The following RUNX2 variants were observed in gnomAD, a reference collection of about 807,000 sequenced individuals.
RUNX2 encodes the protein runt-related transcription factor 2.
Under a neutral mutation model 51.7 loss-of-function variants are expected in RUNX2, and 10 were observed. The observed-to-expected ratio is 0.19, with a 90% CI of 0.12 to 0.33. The LOEUF is 0.33. RUNX2 is among the 10% of genes least tolerant of loss of function. The pLI is 1.00. For synonymous variants in RUNX2, 276 were observed against 273.6 expected, an observed-to-expected ratio of 1.01 and a Z score of -0.09; for missense variants, 562 against 691.3, an observed-to-expected ratio of 0.81 and a Z score of 2.10.
At chr6:45,466,591 C>T (rs1445410932) in intron 5 of RUNX2, among the ~76,000 whole-genome samples, 1 of 152,214 alleles carries the variant, frequency 6.6e-6, no homozygotes, top group Non-Finnish European at 1.5e-5. Context: ...ATGGCATTGA[C>T]ATCTCTTCAC....
intron 2 of RUNX2, among the ~76,000 whole-genome samples, chr6:45,393,018 A>T (rs1360080150): frequency 6.6e-6 from 1 of 151,838 alleles, no homozygotes; most frequent in Non-Finnish European, 1.5e-5. Flanking sequence ...TTTCTGTTAC[A>T]GTGTTTTTGA....
intron 5 of RUNX2, among the ~76,000 whole-genome samples, chr6:45,452,071 G>C (rs779282787): frequency 2.0e-5 from 3 of 152,210 alleles, no homozygotes; most frequent in African/African-American, 7.2e-5. Flanking sequence ...ATTTTGGACT[G>C]AGGGGGATAA....
intron 5 of RUNX2, 64 bp downstream of exon 5, chr6:45,438,115 T>C: frequency 1.5e-5 from 16 of 1,045,226 alleles, no homozygotes; most frequent in Middle Eastern, 2.0e-4. Flanking sequence ...GAGGAATTTA[T>C]TCCAAATGAG....
chr6:45,473,579 G>A (rs1286521291), intron 5 of RUNX2, among the ~76,000 whole-genome samples: 2 of 152,110 alleles, frequency 1.3e-5, no homozygotes, highest in Non-Finnish European at 2.9e-5. Flanking sequence ...ACCCATTAAG[G>A]GTATGGTACA....
At chr6:45,542,087 A>G (rs1928533) in intron 7 of RUNX2, among the ~76,000 whole-genome samples, 69,785 of 151,878 alleles carry the variant, frequency 0.46, 17,828 homozygotes, top group African/African-American at 0.68. Flanking sequence ...GCATTCGAAA[A>G]CAGTGTGTGA....
chr6:45,404,936 A>G (rs1190170045), intron 2 of RUNX2, among the ~76,000 whole-genome samples: 1 of 152,258 alleles, frequency 6.6e-6, no homozygotes, highest in Non-Finnish European at 1.5e-5. Flanking sequence ...CTTTTGGCAG[A>G]TCATTGTTGA....
intron 2 of RUNX2, among the ~76,000 whole-genome samples, chr6:45,355,010 T>C (rs906866164): frequency 6.6e-6 from 1 of 152,166 alleles, no homozygotes; most frequent in African/African-American, 2.4e-5. Flanking sequence ...GGTCTCACTC[T>C]GTCACCCAGG....
rs532521787 is a variant in RUNX2 at position 45,501,309 on chromosome 6, C to T, written c.859+9195C>T. On this transcript the variant is annotated intron_variant, in intron 6 of 8. Coordinates refer to ENST00000647337, the MANE Select transcript of RUNX2 (RefSeq NM_001024630.4). ...TCCATGAAAAACTCTGCTCTTGGAG[C>T]AGGCTCCCCCATCCTGTCTTGTAGT... Among the ~76,000 whole-genome samples the T allele has an allele frequency of 7.9e-5, 12 of 152,350 alleles. No individual in the cohort carries two copies. The South Asian group carries it at 2.5e-3, about 32-fold the overall frequency.
chr6:45,498,462 CT>C (rs1800710093), intron 6 of RUNX2, among the ~76,000 whole-genome samples: 1 of 152,148 alleles, frequency 6.6e-6, no homozygotes, highest in Non-Finnish European at 1.5e-5. Context: ...TCTTTTTCTT[CT>C]GTCCATTATA....
intron 5 of RUNX2, among the ~76,000 whole-genome samples, chr6:45,439,697 ATGTT>A (rs1563087537): frequency 6.6e-6 from 1 of 151,350 alleles, no homozygotes; most frequent in African/African-American, 2.4e-5. Context: ...GTGTGTGTGT[ATGTT>A]TGTGTGTGTA....
rs974491716 is a variant in RUNX2, at chr6:45,543,931, C to T, written c.1022-1286C>T. 1.1e-4 allele frequency among the ~76,000 whole-genome samples: 16 copies of T among 150,780 alleles called. 1 individual carries two copies. The Admixed American group carries it at 1.1e-3, about 10-fold the overall frequency. On this transcript the variant is annotated intron_variant, in intron 7 of 8. Coordinates refer to ENST00000647337, the MANE Select transcript of RUNX2 (RefSeq NM_001024630.4). Reference sequence around the variant, plus strand: ...TTAAGTTTAGGATTTCTCCCACCACCTTATCATGATTATTTTATAAGGGAT... The same window carrying T: ...TTAAGTTTAGGATTTCTCCCACCACTTTATCATGATTATTTTATAAGGGAT...
rs1308444345 is a variant in RUNX2 at position 45,328,763 on chromosome 6, T to C, written c.37T>C (p.Cys13Arg). The C allele has an allele frequency of 2.5e-6, 4 of 1,611,986 alleles. No homozygotes were observed. Among genetic ancestry groups the C allele is most frequent in the African/African-American group, 2.7e-5 (2 of 74,788 alleles). Residue 13 changes from cysteine to arginine, a missense_variant, in exon 2 of 9, where the codon TGT becomes CGT. Physicochemically the swap from Cys to Arg is radical, Grantham distance 180. Coordinates refer to ENST00000647337, the MANE Select transcript of RUNX2 (RefSeq NM_001024630.4). ...SNSLFSTVTPCQQNFFWDPST... is the reference protein window; with the variant it reads ...SNSLFSTVTPRQQNFFWDPST... ...CAGCCTCTTCAGCACAGTGACACCA[T>C]GTCAGCAAAACTTCTTTTGGGGTAA...
chr6:45,435,806 T>C (rs897614137), intron 4 of RUNX2, among the ~76,000 whole-genome samples: 2 of 152,346 alleles, frequency 1.3e-5, no homozygotes, highest in South Asian at 2.1e-4. Flanking sequence ...CCTGGGCCCA[T>C]AGACCACTAA....
intron 5 of RUNX2, among the ~76,000 whole-genome samples, chr6:45,486,721 A>C (rs1490810427): frequency 6.6e-6 from 1 of 152,156 alleles, no homozygotes; most frequent in Non-Finnish European, 1.5e-5. Context: ...GCAGTGCATC[A>C]GGTTGTGGAT....
intron 2 of RUNX2, among the ~76,000 whole-genome samples, chr6:45,380,489 G>A (rs1797213445): frequency 6.6e-6 from 1 of 152,214 alleles, no homozygotes; most frequent in Non-Finnish European, 1.5e-5. Context: ...ATCTTAAAAT[G>A]ATTAGGTAGT....
intron 2 of RUNX2, among the ~76,000 whole-genome samples, chr6:45,409,278 C>G (rs767237528): frequency 6.6e-5 from 10 of 152,166 alleles, no homozygotes; most frequent in Non-Finnish European, 1.3e-4. Context: ...TCTGCACATC[C>G]TAAAAGAGTG....
At chr6:45,412,811 C>T (rs969612773) in intron 2 of RUNX2, among the ~76,000 whole-genome samples, 4 of 152,052 alleles carry the variant, frequency 2.6e-5, no homozygotes, top group East Asian at 1.9e-4. Flanking sequence ...GTGGCACAAT[C>T]TCGGCTTACT....
rs1048885121 is a variant in RUNX2 at position 45,422,638 on chromosome 6, A to G, written c.104A>G (p.Gln35Arg). 1 of 1,606,444 alleles carries G rather than the reference A, an allele frequency of 6.2e-7. No homozygotes were observed. The highest frequency in any genetic ancestry group is 8.5e-7 in the Non-Finnish European group (1 of 1,177,346). ...RRFSPPSSSL[Q>R]PGKMSDVSPV... Reference sequence around the variant, plus strand: ...TTCAGCCCCCCCTCCAGCAGCCTGCAGCCCGGCAAAATGAGCGACGTGAGC... The same window carrying G: ...TTCAGCCCCCCCTCCAGCAGCCTGCGGCCCGGCAAAATGAGCGACGTGAGC... Residue 35 changes from glutamine to arginine, a missense_variant, in exon 3 of 9, where the codon CAG becomes CGG. Transcript: ENST00000647337.
At chr6:45,445,996 T>G (rs1798987174) in intron 5 of RUNX2, among the ~76,000 whole-genome samples, 1 of 152,186 alleles carries the variant, frequency 6.6e-6, no homozygotes, top group Admixed American at 6.5e-5. Context: ...AGGCATTTTG[T>G]GTTGTGCAAC....
Sources: allele counts gnomAD v4.1 joint callset (sites outside exome capture counted in the v4.1 genomes callset), GRCh38; gene constraint gnomAD v4.1.1; transcripts MANE v1.5; gene names NCBI Gene and HGNC (gene_info 2026-07-23, HGNC 2026-07-21).